HIPK2: variants seen among roughly 807,000 people sequenced by gnomAD.
The protein encoded by HIPK2 is homeodomain interacting protein kinase 2, also known as homeodomain-interacting protein kinase 2.
HIPK2 carries 27 observed loss-of-function variants against 113.7 expected under a neutral mutation model. The ratio of observed to expected loss-of-function variants is 0.24; its 90% CI spans 0.17 to 0.33. HIPK2 has a LOEUF of 0.33. Among genes scored for constraint, HIPK2 ranks in the 10% least tolerant of loss-of-function variants. The probability of loss-of-function intolerance (pLI) is 1.00; values close to 1 mark genes in which losing one functional copy is unlikely to be tolerated. For missense variants in HIPK2, 1,257 were observed against 1,588.0 expected (o/e 0.79, Z 3.54); for synonymous variants, 631 against 642.2 (o/e 0.98, Z 0.26).
chr7:139,665,558 A>ACATCCATCCATCCATCCATCCATC (rs71170908), intron 2 of HIPK2, among the ~76,000 whole-genome samples: 1 of 148,076 alleles, frequency 6.8e-6, no homozygotes, highest in Non-Finnish European at 1.5e-5. Flanking sequence ...CCTCCTGGCC[A>ACATCCATCCATCCATCCATCCATC]CATCCATCCA....
chr7:139,739,026 T>C (rs1796023921), intron 1 of HIPK2, among the ~76,000 whole-genome samples: 1 of 152,166 alleles, frequency 6.6e-6, no homozygotes, highest in Non-Finnish European at 1.5e-5. Context: ...TCGCCCAAGA[T>C]AAATTTTCTG....
At chr7:139,739,345 G>C (rs1222195849) in intron 1 of HIPK2, among the ~76,000 whole-genome samples, 1 of 152,134 alleles carries the variant, frequency 6.6e-6, no homozygotes, top group Non-Finnish European at 1.5e-5. Context: ...CCCGCATTTT[G>C]GGAGGCTGAG....
chr7:139,753,619 T>C (rs945949351), intron 1 of HIPK2, among the ~76,000 whole-genome samples: 2 of 152,230 alleles, frequency 1.3e-5, no homozygotes, highest in African/African-American at 4.8e-5. Context: ...AGTAACCAGC[T>C]TGCCTGTTAT....
rs1458771368 is a variant in HIPK2, at chr7:139,777,592, G to A, written c.19+13C>T. The A allele has an allele frequency of 4.8e-6, 5 of 1,050,568 alleles. No homozygotes were observed. Among genetic ancestry groups the A allele is most frequent in the South Asian group, 8.9e-5 (2 of 22,572 alleles). 65.1% of individuals were successfully genotyped at this position (1,050,568 alleles called of 1,614,324 possible). A position where few individuals can be genotyped will look rare whatever the true frequency, so the allele number is the denominator to read the frequency against. ...CGGCGGGCGCGGGGTCGGCGGGGCC[G>A]GGCGCCCCTTACCTTCGTACACGGG... is the stretch of plus-strand genomic sequence containing the variant. On this transcript the variant is annotated intron_variant, in intron 1 of 14. Transcript: ENST00000406875.
intron 2 of HIPK2, among the ~76,000 whole-genome samples, chr7:139,677,517 G>A (rs1029539030): frequency 1.3e-5 from 2 of 152,108 alleles, no homozygotes; most frequent in African/African-American, 4.8e-5. Context: ...CTCACACAGC[G>A]GAAGGCAGAA....
chr7:139,653,996 G>C (rs71543339), intron 2 of HIPK2, among the ~76,000 whole-genome samples: 2 of 152,148 alleles, frequency 1.3e-5, no homozygotes, highest in African/African-American at 4.8e-5. Flanking sequence ...GCCTCCCAAA[G>C]TGCTAGGATT....
At chr7:139,666,976 G>A (rs563183581) in intron 2 of HIPK2, among the ~76,000 whole-genome samples, 2 of 151,774 alleles carry the variant, frequency 1.3e-5, no homozygotes, top group African/African-American at 2.4e-5. Context: ...CAGAAGAATC[G>A]CTTGAACCTT....
intron 1 of HIPK2, among the ~76,000 whole-genome samples, chr7:139,774,694 TAAC>T (rs1796709854): frequency 6.6e-6 from 1 of 152,130 alleles, no homozygotes; most frequent in African/African-American, 2.4e-5. Flanking sequence ...AAAACATAAA[TAAC>T]TTGGAATTTA....
At position 139,565,566 on chromosome 7, in the gene HIPK2, A is replaced by G. The variant is rs191207041; in HGVS notation, c.*7361T>C. 3.0e-4 allele frequency: 46 copies of G among 152,346 alleles called. 1 individual carries two copies. The highest frequency in any genetic ancestry group is 1.1e-3 in the African/African-American group (45 of 41,586). 9.4% of individuals were successfully genotyped at this position (152,346 alleles called of 1,614,324 possible). ...TTTCTGTTAATCTCATACCAGGGCA[A>G]GAGACACGCCTTCCTTTTATCATGA... On this transcript the variant is annotated 3_prime_UTR_variant, in exon 15 of 15. Coordinates refer to ENST00000406875, the MANE Select transcript of HIPK2 (RefSeq NM_022740.5).
rs538219821 is a variant in HIPK2, at chr7:139,758,610, T to C, written c.19+18995A>G. ...GCTCCGCCTCCTGTCAGATCAGCAG[T>C]GGCATCAGATTCTCACAGAAGCATG... On this transcript the variant is annotated intron_variant, in intron 1 of 14. Coordinates refer to ENST00000406875, the MANE Select transcript of HIPK2 (RefSeq NM_022740.5). 7.9e-5 allele frequency among the ~76,000 whole-genome samples: 12 copies of C among 152,270 alleles called. No individual in the cohort carries two copies. The East Asian group carries it at 2.3e-3, about 29-fold the overall frequency.
chr7:139,689,076 A>T (rs73733184), intron 2 of HIPK2, among the ~76,000 whole-genome samples: 3,630 of 152,308 alleles, frequency 0.024, 151 homozygotes, highest in African/African-American at 0.083. Context: ...GTGGACCAAG[A>T]GCCAAAGCTA....
In HIPK2 at chr7:139,714,974, C is replaced by G. The variant is rs1402936974; in HGVS notation, c.1103+958G>C. On this transcript the variant is annotated intron_variant, in intron 2 of 14. Coordinates refer to ENST00000406875, the MANE Select transcript of HIPK2 (RefSeq NM_022740.5). This position sits in a 1 kb window ranked among gnomAD's most constrained non-coding sequence, Gnocchi z 4.2. ...CACTTCATGGGTTAGGAAATGAAGG[C>G]ATGGAGAAATCAGGCCATTAGGAGA... Among the ~76,000 whole-genome samples the G allele has an allele frequency of 1.3e-5, 2 of 152,186 alleles. No homozygotes were observed. Among genetic ancestry groups the G allele is most frequent in the African/African-American group, 4.8e-5 (2 of 41,442 alleles).
At chr7:139,666,207 C>T (rs974175559) in intron 2 of HIPK2, among the ~76,000 whole-genome samples, 11 of 152,142 alleles carry the variant, frequency 7.2e-5, no homozygotes, top group African/African-American at 2.7e-4. Context: ...TTTGTTCCTC[C>T]TTCAAAGAAA....
In HIPK2 at chr7:139,777,759, CCG is replaced by C; in HGVS notation, c.-138_-137del. The C allele has an allele frequency of 1.2e-6, 1 of 831,730 alleles. No homozygotes were observed. Among genetic ancestry groups the C allele is most frequent in the Non-Finnish European group, 1.5e-6 (1 of 684,720 alleles). 51.5% of individuals were successfully genotyped at this position (831,730 alleles called of 1,614,324 possible). ...TCGGCGCAGCCGAGGCCGCCCGCGC[CCG>C]CATCACCGCCTCCCGTGGCCGGCGC... On this transcript the variant is annotated 5_prime_UTR_variant, in exon 1 of 15. An upstream open reading frame in the 5' UTR loses its in-frame stop. Coordinates refer to ENST00000406875, the MANE Select transcript of HIPK2 (RefSeq NM_022740.5).
chr7:139,577,770 C>T (rs1224758360), intron 13 of HIPK2, among the ~76,000 whole-genome samples: 3 of 152,110 alleles, frequency 2.0e-5, no homozygotes, highest in Non-Finnish European at 2.9e-5. Flanking sequence ...AGGGAATGAA[C>T]AAGAGCCTGG....
intron 1 of HIPK2, among the ~76,000 whole-genome samples, chr7:139,717,477 G>T (rs185926912): frequency 6.6e-6 from 1 of 152,124 alleles, no homozygotes. Flanking sequence ...TCCCACACAG[G>T]CCCCATCACC....
intron 2 of HIPK2, among the ~76,000 whole-genome samples, chr7:139,696,953 T>C (rs1187954951): frequency 1.3e-5 from 2 of 152,220 alleles, no homozygotes; most frequent in Non-Finnish European, 2.9e-5. Flanking sequence ...GAAGCCGGGA[T>C]GCAGAAAGTT....
intron 2 of HIPK2, among the ~76,000 whole-genome samples, chr7:139,697,435 C>T (rs1351761944): frequency 6.6e-5 from 10 of 152,236 alleles, no homozygotes; most frequent in Admixed American, 5.2e-4. Context: ...CCTATGGCGA[C>T]GACACAAACA....
intron 2 of HIPK2, among the ~76,000 whole-genome samples, chr7:139,673,899 A>T (rs1409122110): frequency 2.9e-5 from 4 of 135,676 alleles, no homozygotes; most frequent in African/African-American, 1.4e-4. Context: ...AAAAAAAAAA[A>T]AAAAAAAAAA....
Sources: allele counts gnomAD v4.1 joint callset (sites outside exome capture counted in the v4.1 genomes callset), GRCh38; gene constraint gnomAD v4.1.1; non-coding constraint Gnocchi (gnomAD v3.1); transcripts MANE v1.5; gene names NCBI Gene and HGNC (gene_info 2026-07-23, HGNC 2026-07-21).